GPR39: variants seen among roughly 807,000 people sequenced by gnomAD.
The protein encoded by GPR39 is G protein-coupled receptor 39, also known as zinc sensing receptor.
Under a neutral mutation model 18.4 loss-of-function variants are expected in GPR39, and 23 were observed. That is an observed-to-expected ratio of 1.25 (90% CI 0.90 to 1.77). The LOEUF is 1.77. Among genes scored for constraint, GPR39 ranks in the 40% most tolerant of loss-of-function variants. The probability of loss-of-function intolerance (pLI) is 0.00; values close to 1 mark genes in which losing one functional copy is unlikely to be tolerated. For synonymous variants in GPR39, 280 were observed against 257.9 expected, an observed-to-expected ratio of 1.09 and a Z score of -0.82; for missense variants, 647 against 602.4, an observed-to-expected ratio of 1.07 and a Z score of -0.78.
chr2:132,534,800 G>A (rs1232372905), intron 1 of GPR39, among the ~76,000 whole-genome samples: 2 of 151,876 alleles, frequency 1.3e-5, no homozygotes, highest in African/African-American at 4.8e-5. Context: ...GAGAACACAT[G>A]GACACAGGAA....
intron 1 of GPR39, among the ~76,000 whole-genome samples, chr2:132,528,634 T>C (rs1024811476): frequency 6.6e-6 from 1 of 152,200 alleles, no homozygotes; most frequent in Non-Finnish European, 1.5e-5. Flanking sequence ...CAGTTCTCCT[T>C]GAAGAGGTCC....
intron 1 of GPR39, among the ~76,000 whole-genome samples, chr2:132,457,168 T>G (rs1483990240): frequency 2.0e-5 from 3 of 152,206 alleles, no homozygotes; most frequent in Non-Finnish European, 4.4e-5. Context: ...CTTGGAGGTT[T>G]TGTTCATTTC....
chr2:132,561,811 T>G (rs1330925944), intron 1 of GPR39, among the ~76,000 whole-genome samples: 1 of 152,044 alleles, frequency 6.6e-6, no homozygotes, highest in Admixed American at 6.6e-5. Context: ...TCAGTCCAAG[T>G]CTAAAGGCCA....
intron 1 of GPR39, among the ~76,000 whole-genome samples, chr2:132,572,400 G>A (rs932821520): frequency 6.6e-6 from 1 of 152,010 alleles, no homozygotes; most frequent in Non-Finnish European, 1.5e-5. Flanking sequence ...GCATCCCCAC[G>A]AGCTTGATGG....
At chr2:132,484,470 T>A (rs1273691636) in intron 1 of GPR39, among the ~76,000 whole-genome samples, 2 of 152,212 alleles carry the variant, frequency 1.3e-5, no homozygotes, top group African/African-American at 2.4e-5. Context: ...ATTTGCCAGA[T>A]TAGGTGAACT....
At chr2:132,488,786 C>G (rs114100518) in intron 1 of GPR39, 175 of 165,442 alleles carry the variant, frequency 1.1e-3, no homozygotes, top group Non-Finnish European at 2.0e-3. Context: ...ACCGTGGTCT[C>G]TAGCCCCATC....
intron 1 of GPR39, among the ~76,000 whole-genome samples, chr2:132,638,651 C>T (rs1402879345): frequency 6.6e-6 from 1 of 152,216 alleles, no homozygotes; most frequent in Non-Finnish European, 1.5e-5. Context: ...TCTCAGCTGA[C>T]TTGCAGAAGC....
intron 1 of GPR39, among the ~76,000 whole-genome samples, chr2:132,554,641 G>T (rs1680111063): frequency 6.6e-6 from 1 of 152,122 alleles, no homozygotes; most frequent in South Asian, 2.1e-4. Flanking sequence ...TATTCACTCT[G>T]CTCAAAAAGC....
chr2:132,551,841 T>C (rs1324593752), intron 1 of GPR39, among the ~76,000 whole-genome samples: 1 of 152,240 alleles, frequency 6.6e-6, no homozygotes, highest in Non-Finnish European at 1.5e-5. Context: ...TGCTTGCACC[T>C]ATAGTTCTGT....
chr2:132,516,619 C>G (rs1679339675), intron 1 of GPR39, among the ~76,000 whole-genome samples: 1 of 152,218 alleles, frequency 6.6e-6, no homozygotes, highest in South Asian at 2.1e-4. Flanking sequence ...ACTCTGATAA[C>G]CTTCAGGAAA....
At chr2:132,556,039 G>C (rs1231242813) in intron 1 of GPR39, among the ~76,000 whole-genome samples, 3 of 152,140 alleles carry the variant, frequency 2.0e-5, no homozygotes, top group African/African-American at 7.2e-5. Context: ...AGTTCTCACA[G>C]GATAATGATG....
chr2:132,432,509 A>G (rs924263793), intron 1 of GPR39, among the ~76,000 whole-genome samples: 3 of 152,306 alleles, frequency 2.0e-5, no homozygotes, highest in Middle Eastern at 3.4e-3. Context: ...AATGCATCTG[A>G]TGAAATCTAG....
chr2:132,493,764 G>T (rs971690150), intron 1 of GPR39, among the ~76,000 whole-genome samples: 1 of 151,876 alleles, frequency 6.6e-6, no homozygotes, highest in Non-Finnish European at 1.5e-5. Context: ...ATGGTGGACT[G>T]CATAGGTCTG....
At chr2:132,547,337 C>T (rs957012536) in intron 1 of GPR39, among the ~76,000 whole-genome samples, 12 of 152,180 alleles carry the variant, frequency 7.9e-5, no homozygotes, top group African/African-American at 2.7e-4. Flanking sequence ...GAATCAGGAG[C>T]TTGGCGAGAT....
chr2:132,637,682 A>C (rs776009892), intron 1 of GPR39, among the ~76,000 whole-genome samples: 4 of 152,248 alleles, frequency 2.6e-5, no homozygotes, highest in Non-Finnish European at 4.4e-5. Context: ...AGAAAGTCCT[A>C]GCTTGGACTT....
chr2:132,579,006 T>C (rs187222112), intron 1 of GPR39, among the ~76,000 whole-genome samples: 1 of 151,934 alleles, frequency 6.6e-6, no homozygotes, highest in Non-Finnish European at 1.5e-5. Context: ...TGCCCTTTCA[T>C]GGTTTTTTTC....
intron 1 of GPR39, among the ~76,000 whole-genome samples, chr2:132,545,323 C>T (rs919567207): frequency 6.6e-6 from 1 of 152,174 alleles, no homozygotes; most frequent in Non-Finnish European, 1.5e-5. Flanking sequence ...CCAGGCAGTC[C>T]ATGTGAGGCA....
chr2:132,431,649 G>A (rs1194138387), intron 1 of GPR39, among the ~76,000 whole-genome samples: 8 of 152,234 alleles, frequency 5.3e-5, no homozygotes, highest in Admixed American at 2.6e-4. Flanking sequence ...GTCACCATAC[G>A]CCAGGTGAGC....
chr2:132,575,075 T>C (rs1210557074), intron 1 of GPR39, among the ~76,000 whole-genome samples: 1 of 152,136 alleles, frequency 6.6e-6, no homozygotes, highest in African/African-American at 2.4e-5. Flanking sequence ...AATATAATAT[T>C]TGTAATCTTC....
Sources: allele counts gnomAD v4.1 joint callset (sites outside exome capture counted in the v4.1 genomes callset), GRCh38; gene constraint gnomAD v4.1.1; transcripts MANE v1.5; gene names NCBI Gene and HGNC (gene_info 2026-07-23, HGNC 2026-07-21).